The following ADCY2 variants were observed in gnomAD, a reference collection of about 807,000 sequenced individuals.
ADCY2 encodes the protein adenylate cyclase type 2.
ADCY2 carries 31 observed loss-of-function variants against 125.2 expected under a neutral mutation model. The ratio of observed to expected loss-of-function variants is 0.25; its 90% confidence interval spans 0.19 to 0.33. The LOEUF (loss-of-function observed/expected upper bound fraction) is 0.33, where lower values mean the gene tolerates loss of function less well. ADCY2 is among the 10% of genes least tolerant of loss of function. The probability of loss-of-function intolerance (pLI) is 1.00; values close to 1 mark genes in which losing one functional copy is unlikely to be tolerated. For synonymous variants in ADCY2, 512 were observed against 548.4 expected, an observed-to-expected ratio of 0.93 and a Z score of 0.93; for missense variants, 904 against 1,418.2, an observed-to-expected ratio of 0.64 and a Z score of 5.82.
At chr5:7,436,613 A>G (rs1262654761) in intron 2 of ADCY2, among the ~76,000 whole-genome samples, 1 of 152,218 alleles carries the variant, frequency 6.6e-6, no homozygotes, top group Non-Finnish European at 1.5e-5. Flanking sequence ...CTAAGTCCGC[A>G]TGTCTTTGAT....
chr5:7,706,941 G>A, intron 8 of ADCY2, 39 bp downstream of exon 8: 1 of 1,610,098 alleles, frequency 6.2e-7, no homozygotes. Flanking sequence ...CAAGCAGGCA[G>A]AACTATTAGG....
intron 4 of ADCY2, among the ~76,000 whole-genome samples, chr5:7,643,777 T>C (rs976939839): frequency 1.3e-5 from 2 of 151,942 alleles, no homozygotes; most frequent in Non-Finnish European, 2.9e-5. Context: ...TCCTGATACT[T>C]AGTGTTGTTT....
At chr5:7,792,740 C>T (rs1301156840) in intron 20 of ADCY2, among the ~76,000 whole-genome samples, 1 of 152,224 alleles carries the variant, frequency 6.6e-6, no homozygotes, top group Non-Finnish European at 1.5e-5. Context: ...CTACACAGTG[C>T]GGCCTCAAAT....
intron 4 of ADCY2, chr5:7,685,412 T>A (rs1740486856): frequency 6.6e-6 from 1 of 152,180 alleles, no homozygotes; most frequent in Admixed American, 6.5e-5. Context: ...GCTGACCGAT[T>A]TGGTTGAGGT....
chr5:7,541,355 A>G (rs1049402093), intron 3 of ADCY2, among the ~76,000 whole-genome samples: 1 of 152,256 alleles, frequency 6.6e-6, no homozygotes, highest in African/African-American at 2.4e-5. Flanking sequence ...TATATTCACC[A>G]GAATACACAT....
Position 7,760,127 on chromosome 5 carries a change from A to T in ADCY2, c.2094+2541A>T, listed in dbSNP as rs937407847. 2.6e-5 allele frequency among the ~76,000 whole-genome samples: 4 copies of T among 152,392 alleles called. No individual in the cohort carries two copies. The East Asian group carries it at 7.7e-4, about 29-fold the overall frequency. On this transcript the variant is annotated intron_variant, in intron 16 of 24. Transcript: ENST00000338316. ...GATACTGCAAGGATGTGAAGAAATC[A>T]CAGGGAAGGAACCTGGACAGAGAGA...
At chr5:7,777,539 C>T (rs765619486) in intron 18 of ADCY2, among the ~76,000 whole-genome samples, 1 of 152,224 alleles carries the variant, frequency 6.6e-6, no homozygotes, top group African/African-American at 2.4e-5. Flanking sequence ...TTAGTATCCA[C>T]ATCAGGTTCT....
intron 5 of ADCY2, among the ~76,000 whole-genome samples, chr5:7,694,443 T>C (rs1579324063): frequency 6.6e-6 from 1 of 151,780 alleles, no homozygotes; most frequent in African/African-American, 2.4e-5. Context: ...ACTCCACAAC[T>C]CCCCCTCCCC....
intron 3 of ADCY2, among the ~76,000 whole-genome samples, chr5:7,556,721 C>T (rs1735517518): frequency 6.6e-6 from 1 of 152,134 alleles, no homozygotes; most frequent in Non-Finnish European, 1.5e-5. Flanking sequence ...CTAAGCTCCG[C>T]CTCTGTTACA....
intron 5 of ADCY2, among the ~76,000 whole-genome samples, chr5:7,694,222 C>G (rs1740813994): frequency 6.6e-6 from 1 of 152,224 alleles, no homozygotes; most frequent in African/African-American, 2.4e-5. Context: ...CTGCCCTGCT[C>G]TGGCTGAGAC....
intron 4 of ADCY2, among the ~76,000 whole-genome samples, chr5:7,683,165 C>A (rs1375091532): frequency 6.6e-6 from 1 of 152,174 alleles, no homozygotes; most frequent in African/African-American, 2.4e-5. Context: ...AATGGCCTTG[C>A]CAAGGCTCAA....
intron 2 of ADCY2, among the ~76,000 whole-genome samples, chr5:7,502,762 A>T (rs902129812): frequency 6.6e-6 from 1 of 152,056 alleles, no homozygotes; most frequent in Non-Finnish European, 1.5e-5. Context: ...TGACCCTGAT[A>T]CTCATCTAGC....
At chr5:7,652,126 A>G (rs973095612) in intron 4 of ADCY2, among the ~76,000 whole-genome samples, 5 of 152,084 alleles carry the variant, frequency 3.3e-5, no homozygotes, top group Non-Finnish European at 2.9e-5. Context: ...AATCACTTTA[A>G]CCCTACTGAG....
intron 2 of ADCY2, among the ~76,000 whole-genome samples, chr5:7,504,813 A>T (rs1196192819): frequency 2.0e-5 from 3 of 148,958 alleles, no homozygotes; most frequent in African/African-American, 7.4e-5. Flanking sequence ...CTGACCAAAA[A>T]TTGCAGCCTT....
chr5:7,527,558 A>C (rs1734516632), intron 3 of ADCY2, among the ~76,000 whole-genome samples: 2 of 152,208 alleles, frequency 1.3e-5, no homozygotes, highest in South Asian at 4.1e-4. Flanking sequence ...TTACTTAAGC[A>C]AGCCAGTTAT....
intron 3 of ADCY2, among the ~76,000 whole-genome samples, chr5:7,557,957 G>A (rs73046401): frequency 2.8e-4 from 42 of 152,236 alleles, no homozygotes; most frequent in Middle Eastern, 6.8e-3. Flanking sequence ...CATTGTCTTG[G>A]TTGAACTCAT....
chr5:7,778,256 G>GT (rs974488352), intron 18 of ADCY2, among the ~76,000 whole-genome samples: 3 of 152,040 alleles, frequency 2.0e-5, no homozygotes, highest in African/African-American at 7.3e-5. Context: ...TTTTTCCTGA[G>GT]TTTTTTTTCT....
intron 2 of ADCY2, among the ~76,000 whole-genome samples, chr5:7,502,929 G>A (rs573630688): frequency 9.2e-5 from 14 of 152,272 alleles, no homozygotes; most frequent in African/African-American, 3.4e-4. Flanking sequence ...TATTGATATG[G>A]TATTGATATG....
chr5:7,476,614 A>G (rs1742534779), intron 2 of ADCY2, among the ~76,000 whole-genome samples: 1 of 152,148 alleles, frequency 6.6e-6, no homozygotes, highest in Non-Finnish European at 1.5e-5. Flanking sequence ...TTTAGTTCCC[A>G]GTGACCTGCC....
Sources: gnomAD v4.1 joint callset for allele counts (sites outside exome capture counted in the v4.1 genomes callset) on GRCh38, gnomAD v4.1.1 for gene constraint, MANE v1.5 for transcripts, NCBI Gene and HGNC (gene_info 2026-07-23, HGNC 2026-07-21) for gene names.